The following QKI variants were observed in gnomAD, a reference collection of about 807,000 sequenced individuals.
QKI encodes QKI, KH domain containing RNA binding.
In QKI, 10 loss-of-function variants were observed where a neutral mutation model predicts 39.0. That is an observed-to-expected ratio of 0.26 (90% CI 0.16 to 0.43). The LOEUF (loss-of-function observed/expected upper bound fraction) is 0.43, where lower values mean the gene tolerates loss of function less well. QKI is among the 20% of genes least tolerant of loss of function. The pLI is 1.00. For missense variants in QKI, 218 were observed against 428.0 expected, an observed-to-expected ratio of 0.51 and a Z score of 4.33; for synonymous variants, 204 against 155.4, an observed-to-expected ratio of 1.31 and a Z score of -2.33.
At chr6:163,471,972 G>T (rs1369258895) in intron 2 of QKI, among the ~76,000 whole-genome samples, 1 of 152,104 alleles carries the variant, frequency 6.6e-6, no homozygotes, top group Admixed American at 6.6e-5. Flanking sequence ...ATGGCAAAAG[G>T]CATCTCTAGA....
Position 163,569,336 on chromosome 6 carries a change from C to T in QKI, c.1010-1358C>T, listed in dbSNP as rs568641458. 587 of 1,139,162 alleles carry T rather than the reference C, an allele frequency of 5.2e-4. 1 individual carries two copies. Among genetic ancestry groups the T allele is most frequent in the Non-Finnish European group, 6.0e-4 (550 of 918,160 alleles). The allele number at this position is 1,139,162 out of a possible 1,614,324, so 70.6% of individuals were successfully genotyped here. On this transcript the variant is annotated intron_variant, in intron 7 of 7. Coordinates refer to ENST00000361752, the MANE Select transcript of QKI (RefSeq NM_006775.3). ...GGTAAATCAGTCCATTATTTTGGAT[C>T]ATTTAAACTGAACATTACACCTTCT...
intron 4 of QKI, among the ~76,000 whole-genome samples, chr6:163,542,100 A>G (rs1781558043): frequency 6.6e-6 from 1 of 152,006 alleles, no homozygotes; most frequent in East Asian, 1.9e-4. Flanking sequence ...GATTTTGTCA[A>G]TATAGGTTTT....
chr6:163,499,265 C>T (rs944506556), intron 3 of QKI, among the ~76,000 whole-genome samples: 3 of 152,084 alleles, frequency 2.0e-5, no homozygotes, highest in African/African-American at 4.8e-5. Context: ...GACTTCTATT[C>T]GTGTTTACCT....
chr6:163,463,690 T>A (rs1174055569), intron 2 of QKI, among the ~76,000 whole-genome samples: 1 of 152,142 alleles, frequency 6.6e-6, no homozygotes, highest in African/African-American at 2.4e-5. Context: ...AGATGCTAAG[T>A]AACAATTAGA....
intron 2 of QKI, among the ~76,000 whole-genome samples, chr6:163,472,109 A>G (rs980878262): frequency 1.3e-5 from 2 of 152,118 alleles, no homozygotes; most frequent in South Asian, 4.1e-4. Flanking sequence ...CTACCTCCAA[A>G]CGTAACTACT....
chr6:163,494,952 G>C (rs895790066), intron 3 of QKI, among the ~76,000 whole-genome samples: 2 of 151,302 alleles, frequency 1.3e-5, no homozygotes, highest in Non-Finnish European at 2.9e-5. Flanking sequence ...GTCACACTCT[G>C]TCGTCCAGGC....
intron 1 of QKI, among the ~76,000 whole-genome samples, chr6:163,434,837 GA>G (rs1789120187): frequency 6.6e-6 from 1 of 152,008 alleles, no homozygotes; most frequent in South Asian, 2.1e-4. Context: ...TATTATTGGA[GA>G]AATACTTCTT....
In QKI at chr6:163,566,138, G is replaced by A. The variant is rs139890146; in HGVS notation, c.935-583G>A. 7.0e-3 allele frequency: 9,874 copies of A among 1,414,496 alleles called. 52 individuals are homozygous for A. Among genetic ancestry groups the A allele is most frequent in the Non-Finnish European group, 8.2e-3 (8,845 of 1,080,084 alleles). 87.6% of individuals were successfully genotyped at this position (1,414,496 alleles called of 1,614,324 possible). A position where few individuals can be genotyped will look rare whatever the true frequency, so the allele number is the denominator to read the frequency against. The stretch of plus-strand genomic sequence containing the variant: ...TTATGTTATTAATTTGGTTTAGTCT[G>A]TAATATTACACAGTAATGGTAATTT... On this transcript the variant is annotated intron_variant, in intron 6 of 7. Coordinates refer to ENST00000361752, the MANE Select transcript of QKI (RefSeq NM_006775.3).
intron 6 of QKI, chr6:163,565,809 C>T (rs1783329810): frequency 1.5e-6 from 2 of 1,364,628 alleles, no homozygotes; most frequent in African/African-American, 1.4e-5. Context: ...TGTCACATCT[C>T]ACATTAAATT....
At chr6:163,458,134 G>T (rs1791069177) in intron 2 of QKI, among the ~76,000 whole-genome samples, 1 of 141,200 alleles carries the variant, frequency 7.1e-6, no homozygotes, top group African/African-American at 2.6e-5. Context: ...GTCAAAAGTA[G>T]GAACTCAGAT....
At chr6:163,465,268 G>A (rs1051132683) in intron 2 of QKI, among the ~76,000 whole-genome samples, 2 of 152,096 alleles carry the variant, frequency 1.3e-5, no homozygotes, top group African/African-American at 2.4e-5. Context: ...TCTGAGGTCA[G>A]GAAGAAGACC....
At chr6:163,566,043 C>T (rs1390041049) in intron 6 of QKI, 45 of 1,578,624 alleles carry the variant, frequency 2.9e-5, no homozygotes, top group Middle Eastern at 1.7e-4. Context: ...CAGCAGCCTC[C>T]GGGGGAAAAA....
At chr6:163,443,713 T>G (rs1456285602) in intron 1 of QKI, among the ~76,000 whole-genome samples, 1 of 152,264 alleles carries the variant, frequency 6.6e-6, no homozygotes, top group Non-Finnish European at 1.5e-5. Flanking sequence ...TTTATGGTAT[T>G]AAGGTGATAC....
intron 6 of QKI, chr6:163,564,568 CTT>C (rs1232041081): frequency 1.3e-5 from 20 of 1,594,140 alleles, no homozygotes; most frequent in Non-Finnish European, 1.5e-5. Context: ...CAGAATCTCA[CTT>C]AAGGCAGAAA....
At chr6:163,435,240 G>GA (rs1327385979) in intron 1 of QKI, among the ~76,000 whole-genome samples, 1 of 152,216 alleles carries the variant, frequency 6.6e-6, no homozygotes, top group Non-Finnish European at 1.5e-5. Flanking sequence ...ACCTCAGGTT[G>GA]AAGAAGCTAA....
intron 1 of QKI, among the ~76,000 whole-genome samples, chr6:163,427,045 C>G (rs1788460899): frequency 6.6e-6 from 1 of 152,078 alleles, no homozygotes. Context: ...CTTGCCTGTT[C>G]TGGAGCTACA....
At chr6:163,473,077 A>G (rs1792325517) in intron 2 of QKI, among the ~76,000 whole-genome samples, 1 of 152,194 alleles carries the variant, frequency 6.6e-6, no homozygotes, top group Admixed American at 6.5e-5. Flanking sequence ...AGCTATCTCT[A>G]CATTATAATA....
chr6:163,468,486 TGGAA>T (rs1211433787), intron 2 of QKI, among the ~76,000 whole-genome samples: 1 of 152,204 alleles, frequency 6.6e-6, no homozygotes, highest in Non-Finnish European at 1.5e-5. Context: ...AAAAGGTTAA[TGGAA>T]GGGTTTTCTA....
intron 1 of QKI, among the ~76,000 whole-genome samples, chr6:163,438,679 A>G (rs1173992760): frequency 6.6e-6 from 1 of 152,172 alleles, no homozygotes; most frequent in Non-Finnish European, 1.5e-5. Context: ...GTATACCTGT[A>G]TAAAGCACTT....
Sources: allele counts gnomAD v4.1 joint callset (sites outside exome capture counted in the v4.1 genomes callset), GRCh38; gene constraint gnomAD v4.1.1; transcripts MANE v1.5; gene names NCBI Gene and HGNC (gene_info 2026-07-23, HGNC 2026-07-21).